WRAP53: variants seen among roughly 807,000 people sequenced by gnomAD.
WRAP53 encodes the protein telomerase Cajal body protein 1.
A neutral mutation model predicts 56.6 loss-of-function variants in WRAP53; 28 were observed. The observed-to-expected ratio is 0.50, with a 90% CI of 0.37 to 0.68. WRAP53 has a LOEUF of 0.68. Among genes scored for constraint, WRAP53 ranks in the 30% least tolerant of loss-of-function variants. The pLI is 0.00. For missense variants in WRAP53, 671 were observed against 715.5 expected (o/e 0.94, Z 0.71); for synonymous variants, 283 against 283.4 (o/e 1.00, Z 0.01).
intron 10 of WRAP53, 32 bp downstream of exon 10, chr17:7,703,159 T>C: frequency 6.2e-7 from 1 of 1,613,872 alleles, no homozygotes; most frequent in African/African-American, 1.3e-5. Flanking sequence ...ATGTTGGGGC[T>C]TGGGTTGGGG....
chr17:7,700,736 T>C lies in WRAP53; in HGVS notation c.643-5T>C. On this transcript the variant is annotated splice_polypyrimidine_tract_variant and splice_region_variant and intron_variant, in intron 4 of 10. Transcript: ENST00000396463. ...TGACTCAGCCATTCCCCCGTCTCTG[T>C]ATAGGTCCCTGTCCTTCGAATGGTG... 6.2e-7 allele frequency: 1 copy of C among 1,609,420 alleles called. No homozygotes were observed.
At chr17:7,696,489 G>A (rs536030939) in intron 4 of WRAP53, among the ~76,000 whole-genome samples, 6 of 152,070 alleles carry the variant, frequency 3.9e-5, no homozygotes, top group African/African-American at 9.6e-5. Flanking sequence ...TAGTAGACAC[G>A]GGGTTTCACC....
At position 7,701,646 on chromosome 17, in the gene WRAP53, C is replaced by T. The variant is rs955112491; in HGVS notation, c.823-11C>T. ...TTGCAAGACCTGTTTTCAGCCCTTT[C>T]CTTCCCCCAGGATGAGCTGACGGCA... On this transcript the variant is annotated splice_polypyrimidine_tract_variant and intron_variant, in intron 6 of 10. Coordinates refer to ENST00000396463, the MANE Select transcript of WRAP53 (RefSeq NM_001143992.2). This position sits in a 1 kb window ranked among gnomAD's most constrained non-coding sequence, Gnocchi z 4.2. 1 of 1,614,254 alleles carries T rather than the reference C, an allele frequency of 6.2e-7. No homozygotes were observed. Among genetic ancestry groups the T allele is most frequent in the Non-Finnish European group, 8.5e-7 (1 of 1,180,050 alleles).
At chr17:7,687,458 C>T (rs2074026975), upstream of WRAP53, 1 of 398,644 alleles carries the variant, frequency 2.5e-6, no homozygotes, top group Admixed American at 4.4e-5. Context: ...CAGCAGCTAC[C>T]TGCTCCCTGG....
chr17:7,686,342 C>T (rs754346286), upstream of WRAP53: 6 of 151,914 alleles, frequency 3.9e-5, no homozygotes, highest in Non-Finnish European at 7.4e-5. Context: ...TATACTCATT[C>T]TTGAAAATAC....
rs371883257 is a variant in WRAP53, at chr17:7,701,590, C to G, written c.822+41C>G. 3 of 1,614,112 alleles carry G rather than the reference C, an allele frequency of 1.9e-6. No individual in the cohort carries two copies. The highest frequency in any genetic ancestry group is 1.3e-5 in the African/African-American group (1 of 74,932). On this transcript the variant is annotated intron_variant, in intron 6 of 10. Transcript: ENST00000396463. The surrounding 1 kb of genome is among the most constrained non-coding windows in gnomAD (Gnocchi z 4.2). ...CTCAGCCCCAGCACTCGTACTGGCCCGGCTCTCCTTCCTTGAGGGCAGCTG... is the reference window on the plus strand; with the variant it reads ...CTCAGCCCCAGCACTCGTACTGGCCGGGCTCTCCTTCCTTGAGGGCAGCTG...
rs2074056263 is a variant in WRAP53, at chr17:7,688,706, C to T, written c.58C>T (p.Pro20Ser). Residue 20 changes from proline to serine, a missense_variant, in exon 2 of 11, where the codon CCA becomes TCA. By Grantham distance (74) the Pro-to-Ser change is moderately conservative. Coordinates refer to ENST00000396463, the MANE Select transcript of WRAP53 (RefSeq NM_001143992.2). ...GGACTGCTGTCCTTCAGACCAGGAC[C>T]CAGCTCCAGCCCATCCTTCTCCCCA... is the stretch of plus-strand genomic sequence containing the variant. ...APDCCPSDQD[P>S]APAHPSPHAS... 1.9e-6 allele frequency: 3 copies of T among 1,614,160 alleles called. No homozygotes were observed. The highest frequency in any genetic ancestry group is 3.3e-5 in the Admixed American group (2 of 60,012).
At chr17:7,697,011 A>C (rs546449090) in intron 4 of WRAP53, among the ~76,000 whole-genome samples, 2 of 152,302 alleles carry the variant, frequency 1.3e-5, no homozygotes, top group South Asian at 4.1e-4. Context: ...CAGACTATTT[A>C]TCTCTCACAA....
At chr17:7,689,496 G>A in intron 3 of WRAP53, 94 bp from the exon 4 acceptor site, 1 of 1,354,376 alleles carries the variant, frequency 7.4e-7, no homozygotes, top group Non-Finnish European at 1.1e-6. Context: ...CAAGGATTCA[G>A]GGGGGCTTAC....
intron 4 of WRAP53, among the ~76,000 whole-genome samples, chr17:7,692,121 T>C (rs1266584195): frequency 4.7e-5 from 7 of 150,004 alleles, no homozygotes; most frequent in Admixed American, 2.7e-4. Context: ...ATTACAGGCA[T>C]GAGCCACTGC....
In WRAP53 at chr17:7,702,924, C is replaced by T. The variant is rs2074294747; in HGVS notation, c.1269-69C>T. ...CAGAGCCCAGCTGTAGGGTCCCAGT[C>T]CCTGGGTGTGAGGGGTTCCTGCCCC... On this transcript the variant is annotated intron_variant, in intron 9 of 10. Transcript: ENST00000396463. The surrounding 1 kb of genome is among the most constrained non-coding windows in gnomAD (Gnocchi z 5.0). The T allele has an allele frequency of 1.9e-6, 3 of 1,612,452 alleles. No homozygotes were observed. In the South Asian group the frequency reaches 3.3e-5, roughly 18 times the overall value.
chr17:7,699,072 A>G (rs2074223645), intron 4 of WRAP53, among the ~76,000 whole-genome samples: 1 of 151,644 alleles, frequency 6.6e-6, no homozygotes, highest in Admixed American at 6.6e-5. Context: ...AAAAGAAAAA[A>G]TTAAGTCTAA....
upstream of WRAP53, chr17:7,686,932 C>A (rs1472393842): frequency 1.8e-5 from 3 of 163,390 alleles, no homozygotes; most frequent in Non-Finnish European, 4.0e-5. Flanking sequence ...ATGATCATTT[C>A]GGAATGGAGC....
In WRAP53 at chr17:7,689,106, G is replaced by C. The variant is rs377757408; in HGVS notation, c.431+27G>C. The C allele has an allele frequency of 1.3e-5, 21 of 1,614,104 alleles. No homozygotes were observed. The African/African-American group carries it at 2.7e-4, about 20-fold the overall frequency. On this transcript the variant is annotated intron_variant, in intron 2 of 10. Transcript: ENST00000396463. ...TAAGTGGTGATGGCAGTGGAGTGTGGAGTCTGGGGAGATGAAGTGTGAGGT... is the reference window on the plus strand; with the variant it reads ...TAAGTGGTGATGGCAGTGGAGTGTGCAGTCTGGGGAGATGAAGTGTGAGGT...
chr17:7,703,215 T>C (rs2074299624), intron 10 of WRAP53, 28 bp from the exon 11 acceptor site: 1 of 1,613,000 alleles, frequency 6.2e-7, no homozygotes. Flanking sequence ...CTGAAGGCAC[T>C]GATAGACCCT....
At chr17:7,700,108 G>A (rs1313036902) in intron 4 of WRAP53, among the ~76,000 whole-genome samples, 1 of 151,078 alleles carries the variant, frequency 6.6e-6, no homozygotes, top group Admixed American at 6.6e-5. Flanking sequence ...GAGTGCAGTG[G>A]TGCGATCTCA....
Position 7,701,668 on chromosome 17 carries a change from G to A in WRAP53, c.834G>A (p.Thr278=), listed in dbSNP as rs372166304. ...FRAYNHLDEL[T]AAHSLCFSPD... ...TTTCCTTCCCCCAGGATGAGCTGAC[G>A]GCAGCCCATTCGCTCTGCTTCTCCC... The change falls in exon 7 of 11, where the codon ACG becomes ACA. Residue 278 remains threonine (T), a synonymous_variant. Coordinates refer to ENST00000396463, the MANE Select transcript of WRAP53 (RefSeq NM_001143992.2). The surrounding 1 kb of genome is among the most constrained non-coding windows in gnomAD (Gnocchi z 4.2). 21 of 1,614,108 alleles carry A rather than the reference G, an allele frequency of 1.3e-5. No individual in the cohort carries two copies. Among genetic ancestry groups the A allele is most frequent in the Non-Finnish European group, 1.5e-5 (18 of 1,180,058 alleles).
intron 4 of WRAP53, among the ~76,000 whole-genome samples, chr17:7,700,257 G>A (rs2074256704): frequency 6.6e-6 from 1 of 151,950 alleles, no homozygotes; most frequent in Admixed American, 6.6e-5. Flanking sequence ...ATGGCACCTA[G>A]CATGTACTCA....
In WRAP53 at chr17:7,688,675, A is replaced by G. The variant is rs1052184865; in HGVS notation, c.27A>G (p.Leu9=). The change falls in exon 2 of 11, where the codon TTA becomes TTG. Residue 9 remains leucine (L), a synonymous_variant. Coordinates refer to ENST00000396463, the MANE Select transcript of WRAP53 (RefSeq NM_001143992.2). ...TGAAGACTTTGGAGACTCAACCGTT[A>G]GCTCCGGACTGCTGTCCTTCAGACC... MKTLETQP[L]APDCCPSDQD... 1.2e-6 allele frequency: 2 copies of G among 1,614,068 alleles called. No homozygotes were observed. Among genetic ancestry groups the G allele is most frequent in the African/African-American group, 2.7e-5 (2 of 74,924 alleles).
Sources: gnomAD v4.1 joint callset for allele counts (sites outside exome capture counted in the v4.1 genomes callset) on GRCh38, gnomAD v4.1.1 for gene constraint, Gnocchi (gnomAD v3.1) non-coding constraint, MANE v1.5 for transcripts, NCBI Gene and HGNC (gene_info 2026-07-23, HGNC 2026-07-21) for gene names.